The following SPOPL variants were observed in gnomAD, a reference collection of about 807,000 sequenced individuals.
SPOPL encodes the protein speckle-type POZ protein-like.
In SPOPL, 23 loss-of-function variants were observed where a neutral mutation model predicts 53.8. The observed-to-expected ratio is 0.43, with a 90% confidence interval of 0.31 to 0.61. The LOEUF (loss-of-function observed/expected upper bound fraction) is 0.61. SPOPL is among the 20% of genes least tolerant of loss of function. The pLI is 0.12. For synonymous variants in SPOPL, 164 were observed against 149.7 expected (o/e 1.10, Z -0.70); for missense variants, 442 against 466.9 (o/e 0.95, Z 0.49).
chr2:138,550,334 AAATTTT>A, intron 2 of SPOPL, 40 bp downstream of exon 2: 1 of 1,609,764 alleles, frequency 6.2e-7, no homozygotes, highest in East Asian at 2.2e-5. Flanking sequence ...TGTCACTTAT[AAATTTT>A]ACAGTATGTT....
intron 1 of SPOPL, among the ~76,000 whole-genome samples, chr2:138,540,784 A>G (rs1443606450): frequency 1.3e-5 from 2 of 152,142 alleles, no homozygotes; most frequent in African/African-American, 4.8e-5. Context: ...ACTATGTTGA[A>G]TAGGAGTGGT....
At position 138,550,148 on chromosome 2, in the gene SPOPL, C is replaced by G. The variant is rs1445811550; in HGVS notation, c.-60-9C>G. The G allele has an allele frequency of 1.4e-6, 2 of 1,429,726 alleles. No homozygotes were observed. The highest frequency in any genetic ancestry group is 2.0e-6 in the Non-Finnish European group (2 of 1,020,402). 88.6% of individuals were successfully genotyped at this position (1,429,726 alleles called of 1,614,324 possible). ...TTTAATCAGTACATCAAACTTCTTT[C>G]CTTTGTAGGTAAGGTACTCAACTGT... is the stretch of plus-strand genomic sequence containing the variant. On this transcript the variant is annotated splice_polypyrimidine_tract_variant and intron_variant, in intron 1 of 10. Transcript: ENST00000280098.
At chr2:138,544,729 G>A (rs1040741475) in intron 1 of SPOPL, among the ~76,000 whole-genome samples, 3 of 152,200 alleles carry the variant, frequency 2.0e-5, no homozygotes, top group African/African-American at 7.2e-5. Flanking sequence ...TCGGTGCGCT[G>A]CACCCACTGT....
At chr2:138,552,480 T>C in intron 4 of SPOPL, 74 bp from the exon 5 acceptor site, 1 of 1,491,470 alleles carries the variant, frequency 6.7e-7, no homozygotes, top group Non-Finnish European at 9.0e-7. Context: ...ACACATTTTA[T>C]TTAACTGTGT....
rs1685282581 is a variant in SPOPL, at chr2:138,550,170, C to T, written c.-47C>T. 1 of 1,567,488 alleles carries T rather than the reference C, an allele frequency of 6.4e-7. No homozygotes were observed. On this transcript the variant is annotated 5_prime_UTR_variant, in exon 2 of 11. Transcript: ENST00000280098. ...TTTCCTTTGTAGGTAAGGTACTCAACTGTGTGGGGTACTACATAAATCCTG... is the reference window on the plus strand; with the variant it reads ...TTTCCTTTGTAGGTAAGGTACTCAATTGTGTGGGGTACTACATAAATCCTG...
At position 138,569,573 on chromosome 2, in the gene SPOPL, A is replaced by G. The variant is rs1315796706; in HGVS notation, c.*493A>G. ...CCAATCTAAGTTCTATAAATATGGG[A>G]GAACCCTCTTACCTTCAAGGTAAGT... On this transcript the variant is annotated 3_prime_UTR_variant, in exon 11 of 11. Coordinates refer to ENST00000280098, the MANE Select transcript of SPOPL (RefSeq NM_001001664.3). The G allele has an allele frequency of 6.6e-6, 1 of 152,394 alleles. No homozygotes were observed. Among genetic ancestry groups the G allele is most frequent in the East Asian group, 1.9e-4 (1 of 5,196 alleles). The allele number at this position is 152,394 out of a possible 1,614,324, so 9.4% of individuals were successfully genotyped here.
chr2:138,557,875 G>A (rs557525907), intron 5 of SPOPL, among the ~76,000 whole-genome samples: 54 of 152,188 alleles, frequency 3.5e-4, no homozygotes, highest in Non-Finnish European at 5.4e-4. Flanking sequence ...AAAGTGGTCT[G>A]CAGCCAGGTG....
rs188685070 is a variant in SPOPL at position 138,522,088 on chromosome 2, G to A, written c.-61+19969G>A. On this transcript the variant is annotated intron_variant, in intron 1 of 10. Transcript: ENST00000280098. Reference sequence around the variant, plus strand: ...CGGACCCGCTGAACCCTTAACACCCGGATTGAAGCCCAGCATTTTGTTTTA... The same window carrying A: ...CGGACCCGCTGAACCCTTAACACCCAGATTGAAGCCCAGCATTTTGTTTTA... 1.8e-4 allele frequency among the ~76,000 whole-genome samples: 28 copies of A among 152,222 alleles called. No individual in the cohort carries two copies. In the East Asian group the frequency reaches 5.2e-3, roughly 28 times the overall value.
At chr2:138,527,222 G>A (rs1007450011) in intron 1 of SPOPL, among the ~76,000 whole-genome samples, 4 of 151,836 alleles carry the variant, frequency 2.6e-5, no homozygotes, top group African/African-American at 9.7e-5. Flanking sequence ...ATCATTCTTG[G>A]CAGTTGATGA....
chr2:138,559,794 T>C (rs1685505886), intron 7 of SPOPL, among the ~76,000 whole-genome samples: 1 of 152,222 alleles, frequency 6.6e-6, no homozygotes, highest in African/African-American at 2.4e-5. Context: ...TGTTTCTCTT[T>C]TACTTGTCAT....
chr2:138,530,566 C>T (rs1329876746), intron 1 of SPOPL, among the ~76,000 whole-genome samples: 4 of 152,130 alleles, frequency 2.6e-5, no homozygotes, highest in African/African-American at 4.8e-5. Context: ...GTAAAGATGG[C>T]ATCCTTCATT....
intron 1 of SPOPL, among the ~76,000 whole-genome samples, chr2:138,541,434 C>T (rs1685069672): frequency 6.6e-6 from 1 of 152,122 alleles, no homozygotes; most frequent in Non-Finnish European, 1.5e-5. Context: ...TGTTATTGGT[C>T]TATTCAGAGA....
At position 138,564,842 on chromosome 2, in the gene SPOPL, T is replaced by A; in HGVS notation, c.972T>A (p.Phe324Leu). The change falls in exon 9 of 11, where the codon TTT becomes TTA. Residue 324 changes from phenylalanine to leucine, a missense_variant. Phe to Leu is a conservative substitution (Grantham distance 22). Transcript: ENST00000280098. ...AEQLKAQAID[F>L]INRCSVLRQL... is the part of the protein sequence containing the mutation. ...AGTTGAAAGCACAAGCCATAGACTT[T>A]ATTAATAGGTAAGCTATGCTTGTAT... 2 of 1,614,158 alleles carry A rather than the reference T, an allele frequency of 1.2e-6. No homozygotes were observed. The highest frequency in any genetic ancestry group is 1.7e-6 in the Non-Finnish European group (2 of 1,179,994).
At chr2:138,504,123 T>G (rs564433558) in intron 1 of SPOPL, among the ~76,000 whole-genome samples, 1 of 152,386 alleles carries the variant, frequency 6.6e-6, no homozygotes, top group Non-Finnish European at 1.5e-5. Flanking sequence ...TTGAAATCAC[T>G]ATTTGCTGTC....
chr2:138,504,728 G>C lies in SPOPL; in HGVS notation c.-61+2609G>C, dbSNP rs143567583. Among the ~76,000 whole-genome samples, 1,261 of 152,202 alleles carry C rather than the reference G, an allele frequency of 8.3e-3. 11 individuals carry two copies. The highest frequency in any genetic ancestry group is 0.011 in the Non-Finnish European group (742 of 68,006). Reference sequence around the variant, plus strand: ...GTGCACCTAGAATAGTACTAGCTACGTACCGTTCTTGAGAGAACTAAAGCA... The same window carrying C: ...GTGCACCTAGAATAGTACTAGCTACCTACCGTTCTTGAGAGAACTAAAGCA... On this transcript the variant is annotated intron_variant, in intron 1 of 10. Coordinates refer to ENST00000280098, the MANE Select transcript of SPOPL (RefSeq NM_001001664.3).
chr2:138,557,496 G>T (rs1285428389), intron 5 of SPOPL, among the ~76,000 whole-genome samples: 3 of 152,016 alleles, frequency 2.0e-5, no homozygotes, highest in Non-Finnish European at 4.4e-5. Flanking sequence ...ATTTTACATT[G>T]GACCATTATT....
intron 1 of SPOPL, among the ~76,000 whole-genome samples, chr2:138,531,790 T>G (rs1016371913): frequency 1.1e-4 from 12 of 106,386 alleles, no homozygotes; most frequent in African/African-American, 2.8e-4. Context: ...GCCTGTTGGG[T>G]TTTTTTTTCC....
At chr2:138,538,414 T>C (rs1326001444) in intron 1 of SPOPL, among the ~76,000 whole-genome samples, 1 of 152,232 alleles carries the variant, frequency 6.6e-6, no homozygotes, top group Admixed American at 6.5e-5. Flanking sequence ...GTACTTGTCA[T>C]ACCTTCTTGA....
rs1023475898 is a variant in SPOPL, at chr2:138,571,254, G to T, written c.*2174G>T. 1.3e-5 allele frequency: 2 copies of T among 152,302 alleles called. No homozygotes were observed. The highest frequency in any genetic ancestry group is 4.8e-5 in the African/African-American group (2 of 41,368). The allele number at this position is 152,302 out of a possible 1,614,324, so 9.4% of individuals were successfully genotyped here. A position where few individuals can be genotyped will look rare whatever the true frequency, so the allele number is the denominator to read the frequency against. ...TTTATATCCAATGCGCACCACACCG[G>T]CACATTGTGATTTAATTCACCGCTT... On this transcript the variant is annotated 3_prime_UTR_variant, in exon 11 of 11. Coordinates refer to ENST00000280098, the MANE Select transcript of SPOPL (RefSeq NM_001001664.3).
Sources: allele counts gnomAD v4.1 joint callset (sites outside exome capture counted in the v4.1 genomes callset), GRCh38; gene constraint gnomAD v4.1.1; transcripts MANE v1.5; gene names NCBI Gene and HGNC (gene_info 2026-07-23, HGNC 2026-07-21).